ANXA2: variants seen among roughly 807,000 people sequenced by gnomAD.
The protein encoded by ANXA2 is annexin A2.
ANXA2 carries 28 observed loss-of-function variants against 47.3 expected under a neutral mutation model. The observed-to-expected ratio is 0.59, with a 90% CI of 0.44 to 0.81. The LOEUF (loss-of-function observed/expected upper bound fraction) is 0.81, where lower values mean the gene tolerates loss of function less well. Among genes scored for constraint, ANXA2 ranks in the 40% least tolerant of loss-of-function variants. The probability of loss-of-function intolerance (pLI) is 0.00; values close to 1 mark genes in which losing one functional copy is unlikely to be tolerated. For synonymous variants in ANXA2, 172 were observed against 155.5 expected (o/e 1.11, Z -0.79); for missense variants, 384 against 414.3 (o/e 0.93, Z 0.64).
chr15:60,393,185 G>C (rs2063036994), intron 1 of ANXA2: 1 of 1,218,018 alleles, frequency 8.2e-7, no homozygotes, highest in Non-Finnish European at 1.0e-6. Flanking sequence ...ACTTGCTCCA[G>C]CTTGTCTCTT....
At position 60,348,056 on chromosome 15, in the gene ANXA2, G is replaced by T. The variant is rs116803511; in HGVS notation, c.961-367C>A. On this transcript the variant is annotated intron_variant, in intron 12 of 12. Coordinates refer to ENST00000451270, the MANE Select transcript of ANXA2 (RefSeq NM_004039.3). ...TCCTCGTCTTTCCACAGAAAACAGG[G>T]TACTTTCCTAGCTCACTCTCCTATT... Among the ~76,000 whole-genome samples the T allele has an allele frequency of 5.4e-3, 817 of 152,304 alleles. 7 individuals are homozygous for T. The highest frequency in any genetic ancestry group is 0.018 in the African/African-American group (752 of 41,568).
intron 12 of ANXA2, 150 bp from the exon 13 acceptor site, chr15:60,347,839 A>G (rs1895792844): frequency 1.4e-6 from 1 of 715,388 alleles, no homozygotes; most frequent in Non-Finnish European, 2.3e-6. Flanking sequence ...AAAGGCCTGG[A>G]AGGCCACACC....
At chr15:60,375,276 C>A (rs1044514416) in intron 3 of ANXA2, among the ~76,000 whole-genome samples, 7 of 152,162 alleles carry the variant, frequency 4.6e-5, no homozygotes, top group Non-Finnish European at 8.8e-5. Flanking sequence ...TTCCGGAGAA[C>A]ACAAATACTG....
In ANXA2 at chr15:60,352,770, G is replaced by A. The variant is rs1182340982; in HGVS notation, c.589-294C>T. Among the ~76,000 whole-genome samples the A allele has an allele frequency of 1.3e-5, 2 of 152,176 alleles. No individual in the cohort carries two copies. The highest frequency in any genetic ancestry group is 2.9e-5 in the Non-Finnish European group (2 of 68,028). ...GACCAAGAGCTTGTATTCATATAAA[G>A]AAGAACAAGTAAATGTTCATTAACA... is the stretch of plus-strand genomic sequence containing the variant. On this transcript the variant is annotated intron_variant, in intron 8 of 12. Transcript: ENST00000451270. The surrounding 1 kb of genome is among the most constrained non-coding windows in gnomAD (Gnocchi z 4.2).
chr15:60,361,607 C>T (rs1226860471), intron 4 of ANXA2: 1 of 153,520 alleles, frequency 6.5e-6, no homozygotes, highest in East Asian at 1.9e-4. Context: ...AACACTTCAT[C>T]TAATACTGAG....
chr15:60,397,499 C>G (rs2063096574), intron 1 of ANXA2, among the ~76,000 whole-genome samples: 1 of 152,164 alleles, frequency 6.6e-6, no homozygotes, highest in African/African-American at 2.4e-5. Context: ...TAACTTAGAG[C>G]AGATGGGGGG....
At chr15:60,386,847 G>C (rs1043162472) in intron 1 of ANXA2, 1 of 152,116 alleles carries the variant, frequency 6.6e-6, no homozygotes, top group Non-Finnish European at 1.5e-5. Flanking sequence ...GTGCTCAATT[G>C]GTGGTAAATT....
At chr15:60,351,306 C>T in intron 10 of ANXA2, 55 bp from the exon 11 acceptor site, 1 of 1,557,474 alleles carries the variant, frequency 6.4e-7, no homozygotes, top group Non-Finnish European at 8.9e-7. Context: ...TCTCCTCTAC[C>T]AATGAGAGAG....
At position 60,365,762 on chromosome 15, in the gene ANXA2, T is replaced by C. The variant is rs966020909; in HGVS notation, c.149-1239A>G. ...TATGCTTGCTATCTTAACTGTAGCA[T>C]CTATAACTTTAGCTCTCATTTTTAG... is the stretch of plus-strand genomic sequence containing the variant. On this transcript the variant is annotated intron_variant, in intron 3 of 12. Coordinates refer to ENST00000451270, the MANE Select transcript of ANXA2 (RefSeq NM_004039.3). Among the ~76,000 whole-genome samples the C allele has an allele frequency of 3.3e-5, 5 of 152,052 alleles. No individual in the cohort carries two copies. In the South Asian group the frequency reaches 1.0e-3, roughly 32 times the overall value.
At chr15:60,371,332 G>A (rs1473743359) in intron 3 of ANXA2, among the ~76,000 whole-genome samples, 1 of 152,192 alleles carries the variant, frequency 6.6e-6, no homozygotes, top group African/African-American at 2.4e-5. Flanking sequence ...AGAAACCTGG[G>A]GGTCATGGGT....
chr15:60,349,090 C>T lies in ANXA2; in HGVS notation c.945G>A (p.Leu315=), dbSNP rs1394013949. ...TCGGGCTTACCTGGATATAATAGTA[C>T]AGGGACTTGCCGTACTTTCTCTTGA... is the stretch of plus-strand genomic sequence containing the variant. ...SEFKRKYGKS[L]YYYIQQDTKG... Residue 315 remains leucine, a synonymous_variant, in exon 12 of 13, where the codon CTG becomes CTA. Coordinates refer to ENST00000451270, the MANE Select transcript of ANXA2 (RefSeq NM_004039.3). 1 of 1,614,096 alleles carries T rather than the reference C, an allele frequency of 6.2e-7. No homozygotes were observed. The highest frequency in any genetic ancestry group is 8.5e-7 in the Non-Finnish European group (1 of 1,179,996).
intron 1 of ANXA2, chr15:60,393,236 G>T: frequency 1.9e-6 from 2 of 1,076,918 alleles, no homozygotes; most frequent in Non-Finnish European, 2.3e-6. Flanking sequence ...GCTCCCTACT[G>T]ACTTGTTGCA....
At chr15:60,364,612 G>A (rs1322562913) in intron 3 of ANXA2, 89 bp from the exon 4 acceptor site, 2 of 935,828 alleles carry the variant, frequency 2.1e-6, no homozygotes, top group African/African-American at 3.4e-5. Context: ...TTTTCAAACT[G>A]AAATTTATAT....
intron 2 of ANXA2, chr15:60,384,381 C>G (rs540723570): frequency 8.5e-5 from 13 of 152,248 alleles, no homozygotes; most frequent in African/African-American, 3.1e-4. Context: ...GAAATTAAAT[C>G]GAGAATTGAA....
At position 60,347,413 on chromosome 15, in the gene ANXA2, C is replaced by T; in HGVS notation, c.*217G>A. 1.7e-6 allele frequency: 1 copy of T among 598,158 alleles called. No homozygotes were observed. The highest frequency in any genetic ancestry group is 2.0e-5 in the South Asian group (1 of 49,708). The allele number at this position is 598,158 out of a possible 1,614,324, so 37.1% of individuals were successfully genotyped here. ...AAAGTGTTTCACATCATAGACTTCA[C>T]TTCCAACTCCTTGGAATGTTCATTT... On this transcript the variant is annotated 3_prime_UTR_variant, in exon 13 of 13. Transcript: ENST00000451270.
rs1300601510 is a variant in ANXA2, at chr15:60,366,495, G to A, written c.149-1972C>T. 2.6e-4 allele frequency among the ~76,000 whole-genome samples: 38 copies of A among 147,298 alleles called. 1 individual carries two copies. Among genetic ancestry groups the A allele is most frequent in the Non-Finnish European group, 4.8e-4 (32 of 66,314 alleles). On this transcript the variant is annotated intron_variant, in intron 3 of 12. Transcript: ENST00000451270. The stretch of plus-strand genomic sequence containing the variant: ...ATGTGAGGAGCGCCTCTGCCCGGCC[G>A]CGACCCTGTCTGGGAGATGAGGAGC...
chr15:60,392,288 C>T (rs1052370528), intron 1 of ANXA2, among the ~76,000 whole-genome samples: 1 of 152,054 alleles, frequency 6.6e-6, no homozygotes, highest in Non-Finnish European at 1.5e-5. Context: ...AAGTCATTTA[C>T]ATTTAACATA....
intron 3 of ANXA2, among the ~76,000 whole-genome samples, chr15:60,373,636 A>C (rs1323950227): frequency 6.6e-6 from 1 of 152,198 alleles, no homozygotes; most frequent in African/African-American, 2.4e-5. Context: ...AGCAGCCACA[A>C]TATAGTGCTT....
chr15:60,392,987 C>A, intron 1 of ANXA2: 1 of 1,238,468 alleles, frequency 8.1e-7, no homozygotes, highest in Non-Finnish European at 1.0e-6. Flanking sequence ...GAGAGGGGTT[C>A]CCACTGTACT....
Sources: allele counts gnomAD v4.1 joint callset (sites outside exome capture counted in the v4.1 genomes callset), GRCh38; gene constraint gnomAD v4.1.1; non-coding constraint Gnocchi (gnomAD v3.1); transcripts MANE v1.5; gene names NCBI Gene and HGNC (gene_info 2026-07-23, HGNC 2026-07-21).